TENT5D: variants seen among roughly 807,000 people sequenced by gnomAD.
The protein encoded by TENT5D is cancer/testis antigen 112.
For synonymous variants in TENT5D, 103 were observed against 100.6 expected (o/e 1.02, Z -0.15); for missense variants, 191 against 287.0 (o/e 0.67, Z 2.42).
At chrX:80,357,332 G>T (rs780428809) in intron 3 of TENT5D, among the ~76,000 whole-genome samples, 4 of 108,848 alleles carry the variant, frequency 3.7e-5, no homozygotes, top group Non-Finnish European at 5.7e-5. Context: ...CTGAGGAATC[G>T]CCACACTGAC....
chrX:80,418,149 T>A (rs1349256103), upstream of TENT5D, among the ~76,000 whole-genome samples: 1 of 110,589 alleles, frequency 9.0e-6, no homozygotes, highest in Admixed American at 9.7e-5. Flanking sequence ...TGAAAAGGGA[T>A]CTTTAATGAT....
chrX:80,409,776 C>T (rs1302231131), intron 3 of TENT5D, among the ~76,000 whole-genome samples: 1 of 104,981 alleles, frequency 9.5e-6, no homozygotes, highest in African/African-American at 3.5e-5. Context: ...CAAAAAAGAG[C>T]CCGCATCGCC....
intron 3 of TENT5D, among the ~76,000 whole-genome samples, chrX:80,382,933 C>T (rs73223477): frequency 0.13 from 14,692 of 111,732 alleles, 1,028 homozygotes; most frequent in East Asian, 0.48. Flanking sequence ...GGAAATCCCC[C>T]GACCCCTTGG....
chrX:80,397,712 C>T (rs977962905), intron 3 of TENT5D, among the ~76,000 whole-genome samples: 3 of 112,675 alleles, frequency 2.7e-5, no homozygotes, highest in Non-Finnish European at 5.6e-5. Context: ...GGATCACTCG[C>T]GGTTAGGAGC....
chrX:80,397,865 C>T (rs1481080403), intron 3 of TENT5D, among the ~76,000 whole-genome samples: 1 of 111,557 alleles, frequency 9.0e-6, no homozygotes, highest in Non-Finnish European at 1.9e-5. Context: ...TTGCAGTGAG[C>T]CGAGATGGCA....
chrX:80,404,228 C>A (rs1048079197), intron 3 of TENT5D, among the ~76,000 whole-genome samples: 7 of 111,727 alleles, frequency 6.3e-5, no homozygotes, highest in African/African-American at 2.3e-4. Flanking sequence ...AAAGTGATAA[C>A]TCAGAGATTT....
chrX:80,396,848 G>A (rs1349465373), intron 3 of TENT5D, among the ~76,000 whole-genome samples: 16 of 97,580 alleles, frequency 1.6e-4, no homozygotes, highest in Non-Finnish European at 2.9e-4. Context: ...CAGTAGGGGC[G>A]GCCGGGCAGA....
At chrX:80,403,328 A>G (rs1359282906) in intron 3 of TENT5D, among the ~76,000 whole-genome samples, 1 of 111,891 alleles carries the variant, frequency 8.9e-6, no homozygotes, top group Non-Finnish European at 1.9e-5. Flanking sequence ...AAGGTAAAAT[A>G]CCCTTAAGAC....
At chrX:80,409,535 A>G (rs1931590470) in intron 3 of TENT5D, among the ~76,000 whole-genome samples, 1 of 110,671 alleles carries the variant, frequency 9.0e-6, no homozygotes, top group Non-Finnish European at 1.9e-5. Context: ...AATCCAACTT[A>G]CAAGGGATGT....
At chrX:80,338,910 A>G (rs1285136671) in intron 2 of TENT5D, among the ~76,000 whole-genome samples, 1 of 112,270 alleles carries the variant, frequency 8.9e-6, no homozygotes, top group African/African-American at 3.2e-5. Context: ...AATAAGTACT[A>G]TAGAATTATA....
At chrX:80,373,010 T>C (rs1168778371) in intron 3 of TENT5D, among the ~76,000 whole-genome samples, 1 of 110,524 alleles carries the variant, frequency 9.0e-6, no homozygotes, top group African/African-American at 3.3e-5. Flanking sequence ...CCTTTTTGCC[T>C]ATATCTTAAT....
chrX:80,381,378 T>G (rs1309876593), intron 3 of TENT5D, among the ~76,000 whole-genome samples: 1 of 111,910 alleles, frequency 8.9e-6, no homozygotes. Context: ...CTTTCTCTCT[T>G]GCTGCCCTTA....
chrX:80,382,483 A>G (rs943352652), intron 3 of TENT5D, among the ~76,000 whole-genome samples: 2 of 111,708 alleles, frequency 1.8e-5, no homozygotes, highest in African/African-American at 6.5e-5. Flanking sequence ...TCAGAGCTCA[A>G]ACACTGTGCT....
At chrX:80,437,840 G>A (rs1049016734) in intron 1 of TENT5D, among the ~76,000 whole-genome samples, 1 of 110,863 alleles carries the variant, frequency 9.0e-6, no homozygotes, top group African/African-American at 3.3e-5. Context: ...TTGTCTATAG[G>A]TACGTATATA....
intron 3 of TENT5D, among the ~76,000 whole-genome samples, chrX:80,397,482 A>C (rs1385584218): frequency 9.2e-6 from 1 of 108,260 alleles, no homozygotes; most frequent in East Asian, 3.0e-4. Context: ...CACGTCCCAG[A>C]CGATGGGCGG....
rs1383658445 is a variant in TENT5D at position 80,352,723 on chromosome X, A to AC, written c.-142+10159_-142+10160insC. ...GCTGGAGTACGAAGCAAACAAACAA[A>AC]AAAAAAAAAAAAAAAAAAAAAAACT... On this transcript the variant is annotated intron_variant, in intron 3 of 4. Transcript: ENST00000538312. 2.9e-3 allele frequency among the ~76,000 whole-genome samples: 301 copies of AC among 102,739 alleles called. 4 individuals carry two copies. Among genetic ancestry groups the AC allele is most frequent in the African/African-American group, 9.5e-3 (265 of 28,015 alleles). The allele number at this position is 102,739 out of a possible 115,157, so 89.2% of individuals were successfully genotyped here. A position where few individuals can be genotyped will look rare whatever the true frequency, so the allele number is the denominator to read the frequency against.
intron 3 of TENT5D, among the ~76,000 whole-genome samples, chrX:80,375,606 CT>C (rs1213817294): frequency 9.0e-6 from 1 of 111,319 alleles, no homozygotes; most frequent in Non-Finnish European, 1.9e-5. Context: ...CATCCATTTG[CT>C]TTTTTTCTCT....
intron 3 of TENT5D, among the ~76,000 whole-genome samples, chrX:80,393,483 T>C (rs1931177913): frequency 9.0e-6 from 1 of 111,612 alleles, no homozygotes; most frequent in Admixed American, 9.6e-5. Flanking sequence ...TATATAATTT[T>C]TTAATACAAT....
At chrX:80,381,105 C>G (rs750094118) in intron 3 of TENT5D, among the ~76,000 whole-genome samples, 1 of 111,872 alleles carries the variant, frequency 8.9e-6, no homozygotes, top group African/African-American at 3.2e-5. Flanking sequence ...ACCAGTTGTT[C>G]CTTTCCATGT....
Sources: gnomAD v4.1 joint callset for allele counts (sites outside exome capture counted in the v4.1 genomes callset) on GRCh38, gnomAD v4.1.1 for gene constraint, MANE v1.5 for transcripts, NCBI Gene and HGNC (gene_info 2026-07-23, HGNC 2026-07-21) for gene names.